ASTN1: variants seen among roughly 807,000 people sequenced by gnomAD.
The protein encoded by ASTN1 is astrotactin 1.
ASTN1 carries 41 observed loss-of-function variants against 140.7 expected under a neutral mutation model. That is an observed-to-expected ratio of 0.29 (90% CI 0.23 to 0.38). The LOEUF (loss-of-function observed/expected upper bound fraction) is 0.38. Among genes scored for constraint, ASTN1 ranks in the 10% least tolerant of loss-of-function variants. The probability of loss-of-function intolerance (pLI) is 1.00; values close to 1 mark genes in which losing one functional copy is unlikely to be tolerated. For missense variants in ASTN1, 1,479 were observed against 1,678.8 expected (o/e 0.88, Z 2.08); for synonymous variants, 640 against 652.2 (o/e 0.98, Z 0.29).
intron 1 of ASTN1, among the ~76,000 whole-genome samples, chr1:177,143,499 C>A (rs751897386): frequency 2.0e-5 from 3 of 152,122 alleles, no homozygotes; most frequent in Admixed American, 6.6e-5. Context: ...GTCCTAGGAG[C>A]CTCTACCAAG....
Position 176,985,845 on chromosome 1 carries a change from TACACACA to T in ASTN1, c.1524-20615_1524-20609del, listed in dbSNP as rs1391736434. On this transcript the variant is annotated intron_variant, in intron 8 of 22. Transcript: ENST00000361833. ...TATTGGTTCTCTCTCTCTCTCTCTC[TACACACA>T]CACACACACACACACACACACACAC... Among the ~76,000 whole-genome samples the T allele has an allele frequency of 2.3e-3, 302 of 129,736 alleles. 1 individual carries two copies. The highest frequency in any genetic ancestry group is 7.6e-3 in the African/African-American group (255 of 33,556). The allele number at this position is 129,736 out of a possible 152,430, so 85.1% of individuals were successfully genotyped here.
intron 5 of ASTN1, among the ~76,000 whole-genome samples, chr1:177,025,883 C>A (rs570835165): frequency 6.6e-5 from 10 of 152,230 alleles, no homozygotes; most frequent in African/African-American, 2.2e-4. Flanking sequence ...CTAGTGTCCC[C>A]AGTCTTAGGA....
At chr1:177,024,817 C>T in intron 5 of ASTN1, 85 bp from the exon 6 acceptor site, 1 of 1,468,160 alleles carries the variant, frequency 6.8e-7, no homozygotes, top group South Asian at 1.3e-5. Context: ...ATCATCCTGG[C>T]AAACAGGGGA....
At chr1:176,965,313 G>A (rs760743508) in intron 8 of ASTN1, 76 bp from the exon 9 acceptor site, 13 of 1,468,960 alleles carry the variant, frequency 8.8e-6, no homozygotes, top group Admixed American at 1.7e-5. Flanking sequence ...ATCAGGCACA[G>A]TGCTAGGTGG....
At chr1:176,982,823 G>A (rs1222395378) in intron 8 of ASTN1, among the ~76,000 whole-genome samples, 1 of 152,192 alleles carries the variant, frequency 6.6e-6, no homozygotes, top group Non-Finnish European at 1.5e-5. Flanking sequence ...CAGGAACACA[G>A]AGTGAAAAGA....
chr1:176,886,828 T>G (rs564363258), intron 18 of ASTN1, among the ~76,000 whole-genome samples: 3 of 152,334 alleles, frequency 2.0e-5, no homozygotes, highest in Admixed American at 2.0e-4. Flanking sequence ...TGATCTTTAC[T>G]TCAGGATTTC....
At position 176,861,553 on chromosome 1, in the gene ASTN1, C is replaced by T; in HGVS notation, c.*2731G>A. On this transcript the variant is annotated 3_prime_UTR_variant, in exon 23 of 23. Coordinates refer to ENST00000361833, the MANE Select transcript of ASTN1 (RefSeq NM_004319.3). ...AGCAGGTTGAGATCAATAGTGTCTT[C>T]CAAGGGGAAAAAATCCTCCAGTCAA... The T allele has an allele frequency of 1.0e-6, 1 of 985,792 alleles. No individual in the cohort carries two copies. The highest frequency in any genetic ancestry group is 1.2e-6 in the Non-Finnish European group (1 of 829,960). The allele number at this position is 985,792 out of a possible 1,614,324, so 61.1% of individuals were successfully genotyped here. A position where few individuals can be genotyped will look rare whatever the true frequency, so the allele number is the denominator to read the frequency against.
intron 7 of ASTN1, among the ~76,000 whole-genome samples, chr1:177,015,617 T>A (rs1675506591): frequency 1.3e-5 from 2 of 152,246 alleles, no homozygotes; most frequent in Admixed American, 1.3e-4. Flanking sequence ...CATTTCATTA[T>A]AATTTGTTAT....
chr1:176,951,224 C>A (rs1157952907), intron 11 of ASTN1, among the ~76,000 whole-genome samples: 1 of 152,206 alleles, frequency 6.6e-6, no homozygotes, highest in Non-Finnish European at 1.5e-5. Context: ...TGATGGTAAA[C>A]AAGCAAATGA....
chr1:177,106,381 G>T (rs1680544844), intron 1 of ASTN1, among the ~76,000 whole-genome samples: 1 of 152,090 alleles, frequency 6.6e-6, no homozygotes, highest in South Asian at 2.1e-4. Context: ...TGTCCCAGGG[G>T]CATCCATAAT....
intron 1 of ASTN1, among the ~76,000 whole-genome samples, chr1:177,082,641 T>C (rs1313686239): frequency 6.6e-6 from 1 of 152,116 alleles, no homozygotes; most frequent in Non-Finnish European, 1.5e-5. Context: ...GAAGCCACAA[T>C]AGCATGGATT....
In ASTN1 at chr1:176,949,167, G is replaced by T; in HGVS notation, c.2054+18C>A. ...GGACAGATGGACGCCAGGTGGCCTC[G>T]CTGGCAGCTCAACTCACCCACAGAA... On this transcript the variant is annotated intron_variant, in intron 12 of 22. Transcript: ENST00000361833. 1 of 1,612,830 alleles carries T rather than the reference G, an allele frequency of 6.2e-7. No homozygotes were observed. The highest frequency in any genetic ancestry group is 8.5e-7 in the Non-Finnish European group (1 of 1,179,598).
intron 8 of ASTN1, among the ~76,000 whole-genome samples, chr1:176,983,498 T>C (rs776451283): frequency 2.4e-4 from 36 of 152,246 alleles, no homozygotes; most frequent in Non-Finnish European, 2.8e-4. Context: ...CCCAAATGCT[T>C]CTTTTCCCTG....
At chr1:177,101,208 C>T (rs1317880768) in intron 1 of ASTN1, among the ~76,000 whole-genome samples, 4 of 152,180 alleles carry the variant, frequency 2.6e-5, no homozygotes, top group African/African-American at 9.7e-5. Context: ...CATTATTATA[C>T]ATCTAACTAA....
chr1:177,077,356 C>T (rs2102068348), intron 1 of ASTN1, among the ~76,000 whole-genome samples: 1 of 152,160 alleles, frequency 6.6e-6, no homozygotes, highest in African/African-American at 2.4e-5. Context: ...TTAAAGATAC[C>T]TAGTCAGGTA....
Position 177,032,541 on chromosome 1 carries a change from T to C in ASTN1, c.780A>G (p.Gly260=). 6.2e-7 allele frequency: 1 copy of C among 1,614,088 alleles called. No homozygotes were observed. The highest frequency in any genetic ancestry group is 1.1e-5 in the South Asian group (1 of 91,068). ...TGACCTGGCTGGCAAAGTCCTCCCC[T>C]CCGTTCATGCACTCCCTCTGCAGAT... ...RHHLQRECMN[G]GEDFASQVTR... The change falls in exon 3 of 23, where the codon GGA becomes GGG. Residue 260 remains glycine, a synonymous_variant. Transcript: ENST00000361833.
At chr1:176,897,381 C>T (rs1190768331) in intron 16 of ASTN1, among the ~76,000 whole-genome samples, 1 of 151,320 alleles carries the variant, frequency 6.6e-6, no homozygotes, top group Non-Finnish European at 1.5e-5. Flanking sequence ...ATTGAAATTT[C>T]GCCATGCAAG....
chr1:176,878,114 G>A (rs559333534), intron 20 of ASTN1, among the ~76,000 whole-genome samples: 16 of 152,256 alleles, frequency 1.1e-4, no homozygotes, highest in Middle Eastern at 3.4e-3. Context: ...CACACAGGCA[G>A]CCCCCATACC....
intron 1 of ASTN1, among the ~76,000 whole-genome samples, chr1:177,131,271 T>C (rs1188733021): frequency 6.6e-6 from 1 of 152,198 alleles, no homozygotes; most frequent in African/African-American, 2.4e-5. Flanking sequence ...TCTGGGAATC[T>C]ATCCCAAGAA....
Sources: gnomAD v4.1 joint callset for allele counts (sites outside exome capture counted in the v4.1 genomes callset) on GRCh38, gnomAD v4.1.1 for gene constraint, MANE v1.5 for transcripts, NCBI Gene and HGNC (gene_info 2026-07-23, HGNC 2026-07-21) for gene names.